Variants in ENTPD4 observed in about 807,000 individuals in gnomAD.
The protein encoded by ENTPD4 is Golgi UDPase.
Under a neutral mutation model 79.1 loss-of-function variants are expected in ENTPD4, and 60 were observed. The observed-to-expected ratio is 0.76, with a 90% confidence interval of 0.62 to 0.94. The LOEUF is 0.94. Among genes scored for constraint, ENTPD4 ranks in the 40% least tolerant of loss-of-function variants. The pLI is 0.00. For missense variants in ENTPD4, 772 were observed against 775.1 expected (o/e 1.00, Z 0.05); for synonymous variants, 276 against 292.0 (o/e 0.95, Z 0.56).
At position 23,432,426 on chromosome 8, in the gene ENTPD4, T is replaced by G; in HGVS notation, c.*500A>C. ...GCAAAAATCAAGTGAATTTCCCTCT[T>G]CCCCACTCCTCAATTTAATGCTGTA... On this transcript the variant is annotated 3_prime_UTR_variant, in exon 13 of 13. Coordinates refer to ENST00000358689, the MANE Select transcript of ENTPD4 (RefSeq NM_004901.5). 1 of 985,542 alleles carries G rather than the reference T, an allele frequency of 1.0e-6. No homozygotes were observed. Among genetic ancestry groups the G allele is most frequent in the Non-Finnish European group, 1.2e-6 (1 of 830,124 alleles). The allele number at this position is 985,542 out of a possible 1,614,324, so 61.0% of individuals were successfully genotyped here.
intron 6 of ENTPD4, among the ~76,000 whole-genome samples, chr8:23,443,512 C>T (rs891791498): frequency 1.3e-5 from 2 of 152,090 alleles, no homozygotes; most frequent in African/African-American, 2.4e-5. Flanking sequence ...GTATCAAAGT[C>T]GAGAAGAAGC....
Position 23,444,502 on chromosome 8 carries a change from G to A in ENTPD4, c.517C>T (p.Pro173Ser). ...CCAGCCGTGCAGAGAATGTAGAGAGGTGTCTCTTTGTGTTTTGCCCGTGGC... is the reference window on the plus strand; with the variant it reads ...CCAGCCGTGCAGAGAATGTAGAGAGATGTCTCTTTGTGTTTTGCCCGTGGC... ...HVPRAKHKET[P>S]LYILCTAGMR... The change falls in exon 5 of 13, where the codon CCT becomes TCT. Residue 173 changes from proline (P) to serine (S), a missense_variant. Coordinates refer to ENST00000358689, the MANE Select transcript of ENTPD4 (RefSeq NM_004901.5). 1.9e-6 allele frequency: 3 copies of A among 1,614,158 alleles called. No individual in the cohort carries two copies. Among genetic ancestry groups the A allele is most frequent in the Non-Finnish European group, 2.5e-6 (3 of 1,180,024 alleles).
rs1357261592 is a variant in ENTPD4 at position 23,432,439 on chromosome 8, AT to A, written c.*486del. On this transcript the variant is annotated 3_prime_UTR_variant, in exon 13 of 13. Coordinates refer to ENST00000358689, the MANE Select transcript of ENTPD4 (RefSeq NM_004901.5). ...GAATTTCCCTCTTCCCCACTCCTCA[AT>A]TTAATGCTGTACTCAAAATGGCTAA... 5.1e-6 allele frequency: 5 copies of A among 985,914 alleles called. No homozygotes were observed. In the Admixed American group the frequency reaches 3.1e-4, roughly 60 times the overall value. 61.1% of individuals were successfully genotyped at this position (985,914 alleles called of 1,614,324 possible).
In ENTPD4 at chr8:23,437,086, CGTTT is replaced by C; in HGVS notation, c.1218_1221del (p.Asn407ArgfsTer106). 6.2e-7 allele frequency: 1 copy of C among 1,614,130 alleles called. No homozygotes were observed. Among genetic ancestry groups the C allele is most frequent in the Non-Finnish European group, 8.5e-7 (1 of 1,180,020 alleles). On this transcript the variant is annotated frameshift_variant, in exon 10 of 13. Transcript: ENST00000358689. LOFTEE classifies it high-confidence loss of function. ...ACCCCATTGAGGGAAGTCTGGGTCT[CGTTT>C]GTTTTATTCATGAAAGGCTGGATAG...
chr8:23,432,997 G>A lies in ENTPD4; in HGVS notation c.1780C>T (p.Arg594Trp), dbSNP rs773595870. ...CAGAGGGCGGCGGCCGAGCTGCTCCGGGGAGTGCGCCTGTGGATGCGCCGC... is the reference window on the plus strand; with the variant it reads ...CAGAGGGCGGCGGCCGAGCTGCTCCAGGGAGTGCGCCTGTGGATGCGCCGC... ...RLRRIHRRTP[R>W]SSSAAALWME... Residue 594 changes from arginine (R) to tryptophan (W), a missense_variant, in exon 13 of 13, where the codon CGG becomes TGG. Coordinates refer to ENST00000358689, the MANE Select transcript of ENTPD4 (RefSeq NM_004901.5). 25 of 1,613,722 alleles carry A rather than the reference G, an allele frequency of 1.5e-5. No homozygotes were observed. The highest frequency in any genetic ancestry group is 9.3e-5 in the African/African-American group (7 of 74,918).
chr8:23,429,831 C>CA lies in ENTPD4; in HGVS notation c.*3094dup. 1.0e-6 allele frequency: 1 copy of CA among 985,384 alleles called. No individual in the cohort carries two copies. The highest frequency in any genetic ancestry group is 4.7e-5 in the South Asian group (1 of 21,284). 61.0% of individuals were successfully genotyped at this position (985,384 alleles called of 1,614,324 possible). On this transcript the variant is annotated 3_prime_UTR_variant, in exon 13 of 13. Coordinates refer to ENST00000358689, the MANE Select transcript of ENTPD4 (RefSeq NM_004901.5). Reference sequence around the variant, plus strand: ...AGCCGGAGCTTAGGATGAACATGGGCAAAAAGCACTGGTACAGTTCCATGT... The same window carrying CA: ...AGCCGGAGCTTAGGATGAACATGGGCAAAAAAGCACTGGTACAGTTCCATGT...
chr8:23,429,205 T>C lies in ENTPD4; in HGVS notation c.*3721A>G, dbSNP rs1800414203. On this transcript the variant is annotated 3_prime_UTR_variant, in exon 13 of 13. Coordinates refer to ENST00000358689, the MANE Select transcript of ENTPD4 (RefSeq NM_004901.5). ...TTTTATTGATTTTTCAGTACCCAAG[T>C]GTGGCACTGTAAGGCTGCCACATAC... The C allele has an allele frequency of 2.0e-6, 2 of 985,340 alleles. No individual in the cohort carries two copies. Among genetic ancestry groups the C allele is most frequent in the Non-Finnish European group, 2.4e-6 (2 of 829,926 alleles). 61.0% of individuals were successfully genotyped at this position (985,340 alleles called of 1,614,324 possible).
rs548300159 is a variant in ENTPD4, at chr8:23,445,461, T to C, written c.413-855A>G. On this transcript the variant is annotated intron_variant, in intron 4 of 12. Coordinates refer to ENST00000358689, the MANE Select transcript of ENTPD4 (RefSeq NM_004901.5). ...CTTATCTCTTCCCATGTTCCTTCCA[T>C]TGCCTTCAGCTACACTGAACTAACA... is the stretch of plus-strand genomic sequence containing the variant. 2.7e-4 allele frequency among the ~76,000 whole-genome samples: 41 copies of C among 152,294 alleles called. No individual in the cohort carries two copies. The Middle Eastern group carries it at 0.01, about 38-fold the overall frequency.
intron 1 of ENTPD4, among the ~76,000 whole-genome samples, chr8:23,455,318 G>C (rs1800938886): frequency 6.6e-6 from 1 of 152,214 alleles, no homozygotes; most frequent in Non-Finnish European, 1.5e-5. Context: ...CCACAGGGAA[G>C]GGTACTTCAG....
At chr8:23,439,345 A>C (rs1472983300) in intron 9 of ENTPD4, among the ~76,000 whole-genome samples, 1 of 152,206 alleles carries the variant, frequency 6.6e-6, no homozygotes, top group Non-Finnish European at 1.5e-5. Context: ...AGAACATCAC[A>C]TATTTCAATC....
intron 1 of ENTPD4, among the ~76,000 whole-genome samples, chr8:23,451,211 G>A (rs371758814): frequency 7.2e-5 from 11 of 152,072 alleles, no homozygotes; most frequent in African/African-American, 2.4e-4. Context: ...TAGTAGAGAC[G>A]GGGTTTCGCC....
At chr8:23,449,149 C>T (rs982157772) in intron 2 of ENTPD4, among the ~76,000 whole-genome samples, 4 of 152,146 alleles carry the variant, frequency 2.6e-5, no homozygotes, top group African/African-American at 4.8e-5. Context: ...CTGAAGGTTA[C>T]GACACTTCTG....
Position 23,435,490 on chromosome 8 carries a change from T to G in ENTPD4, c.1375-13A>C, listed in dbSNP as rs1341397604. 2 of 1,602,988 alleles carry G rather than the reference T, an allele frequency of 1.2e-6. No homozygotes were observed. Among genetic ancestry groups the G allele is most frequent in the African/African-American group, 2.7e-5 (2 of 74,670 alleles). Reference sequence around the variant, plus strand: ...TTGCACAATAATCCTGAAAACAAATTCACCAAAATAGATCACTAGTAAAGG... The same window carrying G: ...TTGCACAATAATCCTGAAAACAAATGCACCAAAATAGATCACTAGTAAAGG... On this transcript the variant is annotated splice_polypyrimidine_tract_variant and intron_variant, in intron 10 of 12. Transcript: ENST00000358689.
intron 1 of ENTPD4, among the ~76,000 whole-genome samples, chr8:23,451,774 G>C (rs936199539): frequency 6.6e-6 from 1 of 152,158 alleles, no homozygotes; most frequent in Non-Finnish European, 1.5e-5. Context: ...GAAGTAATCT[G>C]TATGGCTCAC....
rs982579452 is a variant in ENTPD4, at chr8:23,429,369, A to G, written c.*3557T>C. The G allele has an allele frequency of 1.0e-6, 1 of 985,272 alleles. No homozygotes were observed. The highest frequency in any genetic ancestry group is 1.2e-6 in the Non-Finnish European group (1 of 829,744). The allele number at this position is 985,272 out of a possible 1,614,324, so 61.0% of individuals were successfully genotyped here. A position where few individuals can be genotyped will look rare whatever the true frequency, so the allele number is the denominator to read the frequency against. On this transcript the variant is annotated 3_prime_UTR_variant, in exon 13 of 13. Transcript: ENST00000358689. ...TAACTGTAAAATATAATTTTAGTAC[A>G]GAACAAACAAATTCTCCTTGGTTGG...
At chr8:23,448,661 G>A (rs1341037820) in intron 3 of ENTPD4, 81 bp downstream of exon 3, 2 of 1,162,012 alleles carry the variant, frequency 1.7e-6, no homozygotes, top group African/African-American at 3.1e-5. Context: ...CCAGTCTATG[G>A]AATTCTGTTC....
chr8:23,441,411 C>T (rs1243164190), intron 8 of ENTPD4, 158 bp downstream of exon 8: 4 of 985,410 alleles, frequency 4.1e-6, no homozygotes, highest in Non-Finnish European at 4.8e-6. Context: ...CAGCTGAGGT[C>T]TGCCTTGTTC....
At chr8:23,437,630 G>A (rs1419251002) in intron 9 of ENTPD4, among the ~76,000 whole-genome samples, 1 of 152,218 alleles carries the variant, frequency 6.6e-6, no homozygotes, top group Non-Finnish European at 1.5e-5. Context: ...TGGAAGGAAC[G>A]TGACTGTGAC....
In ENTPD4 at chr8:23,437,229, G is replaced by A. The variant is rs746173135; in HGVS notation, c.1079C>T (p.Pro360Leu). The change falls in exon 10 of 13, where the codon CCT (proline) becomes CTT (leucine). Residue 360 changes from proline (P) to leucine (L), a missense_variant. Physicochemically the swap from Pro to Leu is moderately conservative, Grantham distance 98 (BLOSUM62 -3). Coordinates refer to ENST00000358689, the MANE Select transcript of ENTPD4 (RefSeq NM_004901.5). ...RLLGKQTGLTPDMPYLDPCLP... is the reference protein window; with the variant it reads ...RLLGKQTGLTLDMPYLDPCLP... ...GCAGGGGTCCAAGTACGGCATATCA[G>A]GAGTCAGACCAGTCTGTTTACCCAG... The A allele has an allele frequency of 2.5e-6, 4 of 1,612,934 alleles. No individual in the cohort carries two copies. The East Asian group carries it at 8.9e-5, about 36-fold the overall frequency.
Sources: gnomAD v4.1 joint callset for allele counts (sites outside exome capture counted in the v4.1 genomes callset) on GRCh38, gnomAD v4.1.1 for gene constraint, MANE v1.5 for transcripts, NCBI Gene and HGNC (gene_info 2026-07-23, HGNC 2026-07-21) for gene names.